The following DDC variants were observed in gnomAD, a reference collection of about 807,000 sequenced individuals.
DDC encodes the protein aromatic-L-amino-acid decarboxylase.
In DDC, 43 loss-of-function variants were observed where a neutral mutation model predicts 60.0. The ratio of observed to expected loss-of-function variants is 0.72; its 90% CI spans 0.56 to 0.92. The LOEUF (loss-of-function observed/expected upper bound fraction) is 0.92. Among genes scored for constraint, DDC ranks in the 40% least tolerant of loss-of-function variants. DDC has a pLI of 0.00. For synonymous variants in DDC, 232 were observed against 234.6 expected, an observed-to-expected ratio of 0.99 and a Z score of 0.10; for missense variants, 573 against 620.2, an observed-to-expected ratio of 0.92 and a Z score of 0.81.
chr7:50,528,331 A>T (rs1381999955), intron 5 of DDC, 51 bp from the exon 6 acceptor site: 1 of 1,611,848 alleles, frequency 6.2e-7, no homozygotes, highest in African/African-American at 1.3e-5. Context: ...GCATGCAGTT[A>T]TTACCAGGCC....
chr7:50,493,586 A>C (rs529761036), intron 9 of DDC, among the ~76,000 whole-genome samples: 1 of 152,330 alleles, frequency 6.6e-6, no homozygotes, highest in East Asian at 1.9e-4. Context: ...AACTGTCCTC[A>C]CTGTGTTCCA....
At chr7:50,458,979 T>G (rs940796005) in intron 14 of DDC, 136 bp from the exon 15 acceptor site, 9 of 147,772 alleles carry the variant, frequency 6.1e-5, no homozygotes, top group African/African-American at 2.3e-4. Context: ...CCTCTCCCTC[T>G]CTTTCCACGG....
intron 1 of DDC, among the ~76,000 whole-genome samples, chr7:50,547,183 C>T (rs1002796917): frequency 6.6e-6 from 1 of 151,900 alleles, no homozygotes; most frequent in African/African-American, 2.4e-5. Context: ...GTACATTTCT[C>T]ATGTTGATAA....
chr7:50,539,798 G>A (rs1364724020), intron 3 of DDC, 117 bp downstream of exon 3: 18 of 753,342 alleles, frequency 2.4e-5, no homozygotes, highest in South Asian at 1.6e-4. Context: ...ACAGTAGCCC[G>A]TCTGCCCACA....
At chr7:50,471,982 G>A (rs577302534) in intron 11 of DDC, among the ~76,000 whole-genome samples, 57 of 152,240 alleles carry the variant, frequency 3.7e-4, no homozygotes, top group African/African-American at 1.3e-3. Context: ...AGAATACCAA[G>A]GTAAACTTAA....
intron 14 of DDC, among the ~76,000 whole-genome samples, chr7:50,462,768 G>GTTTTTTTTTTTTTTTTT (rs11302809): frequency 1.1e-4 from 11 of 98,362 alleles, no homozygotes; most frequent in East Asian, 2.7e-4. Flanking sequence ...TCTTCTTCTT[G>GTTTTTTTTTTTTTTTTT]TTTTTTTTTT....
intron 6 of DDC, among the ~76,000 whole-genome samples, chr7:50,514,398 C>T (rs879374615): frequency 2.0e-4 from 30 of 152,188 alleles, no homozygotes; most frequent in African/African-American, 6.3e-4. Context: ...AAACCAACCC[C>T]GGTAATATGA....
Position 50,467,267 on chromosome 7 carries a change from G to C in DDC, c.1189C>G (p.Arg397Gly). Residue 397 changes from arginine to glycine, a missense_variant, in exon 13 of 15, where the codon CGC becomes GGC. Arg to Gly is a moderately radical substitution (Grantham distance 125). Transcript: ENST00000444124. ...EFESLVRQDP[R>G]FEICVEVILG... ...ATGACTTCCACACAGATTTCAAAGC[G>C]GGGATCCTGGCGCACCAGTGACTCA... is the stretch of plus-strand genomic sequence containing the variant. 1.2e-6 allele frequency: 2 copies of C among 1,614,182 alleles called. No individual in the cohort carries two copies. The highest frequency in any genetic ancestry group is 1.7e-6 in the Non-Finnish European group (2 of 1,180,018).
chr7:50,477,687 C>T (rs2042677161), intron 10 of DDC: 13 of 346,896 alleles, frequency 3.7e-5, no homozygotes, highest in South Asian at 2.7e-4. Flanking sequence ...TGCAAGACCT[C>T]CACCCCCTGT....
At chr7:50,541,400 T>C (rs1333832001) in intron 2 of DDC, 1 of 152,298 alleles carries the variant, frequency 6.6e-6, no homozygotes, top group Non-Finnish European at 1.5e-5. Flanking sequence ...TTGGCTGCTC[T>C]GCTCTGAATG....
intron 1 of DDC, among the ~76,000 whole-genome samples, chr7:50,552,627 T>C (rs1375460315): frequency 6.6e-6 from 1 of 152,222 alleles, no homozygotes; most frequent in African/African-American, 2.4e-5. Flanking sequence ...ATAACACCCT[T>C]TGCTAATGGT....
At chr7:50,509,072 T>C (rs1382891239) in intron 6 of DDC, among the ~76,000 whole-genome samples, 2 of 152,118 alleles carry the variant, frequency 1.3e-5, no homozygotes, top group African/African-American at 2.4e-5. Context: ...TATATATGCA[T>C]TGTTCTCATC....
At chr7:50,554,966 A>C (rs935293565) in intron 1 of DDC, among the ~76,000 whole-genome samples, 1 of 152,130 alleles carries the variant, frequency 6.6e-6, no homozygotes, top group Non-Finnish European at 1.5e-5. Flanking sequence ...TCTTATCTCC[A>C]AGGCTTATTA....
At chr7:50,462,231 A>AAAAAAAAAAAAAAAAAAAG in intron 14 of DDC, among the ~76,000 whole-genome samples, 2 of 128,766 alleles carry the variant, frequency 1.6e-5, no homozygotes, top group Non-Finnish European at 3.5e-5. Context: ...AAAGACAAAA[A>AAAAAAAAAAAAAAAAAAAG]AAAAAAAAAA....
At chr7:50,462,226 CAAAA>C (rs11410259) in intron 14 of DDC, among the ~76,000 whole-genome samples, 1,275 of 75,370 alleles carry the variant, frequency 0.017, 12 homozygotes, top group African/African-American at 0.063. Flanking sequence ...GACAAAAAGA[CAAAA>C]AAAAAAAAAA....
chr7:50,458,986 A>C (rs1458035828), intron 14 of DDC, 143 bp from the exon 15 acceptor site: 7 of 120,266 alleles, frequency 5.8e-5, no homozygotes, highest in Admixed American at 8.9e-5. Context: ...CTCTCTTTCC[A>C]CGGTCTCCCA....
intron 14 of DDC, among the ~76,000 whole-genome samples, chr7:50,461,653 G>A (rs2042275710): frequency 6.6e-6 from 1 of 152,240 alleles, no homozygotes; most frequent in South Asian, 2.1e-4. Context: ...AGAAATGCGA[G>A]TCGGGAGCGT....
intron 6 of DDC, among the ~76,000 whole-genome samples, chr7:50,511,082 C>CA (rs1331807400): frequency 3.5e-5 from 5 of 143,494 alleles, no homozygotes; most frequent in African/African-American, 1.0e-4. Context: ...CACACACACA[C>CA]ACAAAATAAT....
At chr7:50,479,449 T>A (rs1424607459) in intron 10 of DDC, among the ~76,000 whole-genome samples, 1 of 152,254 alleles carries the variant, frequency 6.6e-6, no homozygotes, top group Non-Finnish European at 1.5e-5. Flanking sequence ...ACATTATGGC[T>A]GTCATTATGT....
Sources: allele counts gnomAD v4.1 joint callset (sites outside exome capture counted in the v4.1 genomes callset), GRCh38; gene constraint gnomAD v4.1.1; transcripts MANE v1.5; gene names NCBI Gene and HGNC (gene_info 2026-07-23, HGNC 2026-07-21).